ALKAL1: variants seen among roughly 807,000 people sequenced by gnomAD.
ALKAL1 encodes ALK and LTK ligand 1.
ALKAL1 carries 23 observed loss-of-function variants against 13.5 expected under a neutral mutation model. That is an observed-to-expected ratio of 1.70 (90% CI 1.23 to 2.41). The LOEUF (loss-of-function observed/expected upper bound fraction) is 2.41, where lower values mean the gene tolerates loss of function less well. Ranked by LOEUF, ALKAL1 falls within the 30% of genes most tolerant of loss-of-function variation. The probability of loss-of-function intolerance (pLI) is 0.00; values close to 1 mark genes in which losing one functional copy is unlikely to be tolerated. For synonymous variants in ALKAL1, 85 were observed against 77.7 expected (o/e 1.09, Z -0.49); for missense variants, 181 against 178.4 (o/e 1.01, Z -0.08).
At chr8:52,538,304 T>C in intron 4 of ALKAL1, 127 bp downstream of exon 4, 2 of 621,504 alleles carry the variant, frequency 3.2e-6, no homozygotes, top group Non-Finnish European at 5.7e-6. Context: ...CATACAAGTA[T>C]CAAAATGTAA....
chr8:52,551,462 CA>C (rs1166030149), intron 1 of ALKAL1, among the ~76,000 whole-genome samples: 1 of 146,638 alleles, frequency 6.8e-6, no homozygotes, highest in African/African-American at 2.5e-5. Context: ...CCGGCTAATT[CA>C]TTTTTTTTTT....
At chr8:52,552,364 C>G (rs922261434) in intron 1 of ALKAL1, among the ~76,000 whole-genome samples, 1 of 152,108 alleles carries the variant, frequency 6.6e-6, no homozygotes, top group African/African-American at 2.4e-5. Flanking sequence ...GGCTGAGTCC[C>G]TGTGTGTCAG....
intron 1 of ALKAL1, among the ~76,000 whole-genome samples, chr8:52,543,253 A>G (rs568127074): frequency 1.3e-5 from 2 of 152,358 alleles, no homozygotes; most frequent in East Asian, 3.9e-4. Context: ...GTTGGTAGGT[A>G]TACATTTAAA....
chr8:52,554,044 A>C (rs939905452), intron 1 of ALKAL1, among the ~76,000 whole-genome samples: 1 of 152,140 alleles, frequency 6.6e-6, no homozygotes, highest in Non-Finnish European at 1.5e-5. Context: ...ACCAACATGG[A>C]GAAACCCCGT....
chr8:52,555,326 T>A (rs1017101400), intron 1 of ALKAL1, among the ~76,000 whole-genome samples: 1 of 152,112 alleles, frequency 6.6e-6, no homozygotes, highest in South Asian at 2.1e-4. Flanking sequence ...GTATTAACCA[T>A]GCATTTTTAT....
intron 1 of ALKAL1, among the ~76,000 whole-genome samples, chr8:52,555,739 C>T (rs1313929932): frequency 6.6e-6 from 1 of 152,196 alleles, no homozygotes; most frequent in Non-Finnish European, 1.5e-5. Flanking sequence ...CGCCCACTCA[C>T]CCTGCCGTGC....
intron 1 of ALKAL1, among the ~76,000 whole-genome samples, chr8:52,554,884 C>T (rs998261517): frequency 3.9e-5 from 6 of 152,108 alleles, no homozygotes; most frequent in Admixed American, 2.6e-4. Flanking sequence ...AGATAAAGGC[C>T]GACAGGGCCG....
At chr8:52,557,592 T>G (rs1373785016) in intron 1 of ALKAL1, among the ~76,000 whole-genome samples, 1 of 152,198 alleles carries the variant, frequency 6.6e-6, no homozygotes, top group African/African-American at 2.4e-5. Context: ...TTGGCTCACA[T>G]AATTTGCCTT....
intron 1 of ALKAL1, among the ~76,000 whole-genome samples, chr8:52,546,360 C>G (rs952049053): frequency 1.3e-5 from 2 of 152,184 alleles, no homozygotes; most frequent in Admixed American, 6.5e-5. Context: ...TACTATGGCT[C>G]ACTGTAGAAA....
chr8:52,541,974 C>A (rs1049558980), intron 2 of ALKAL1, among the ~76,000 whole-genome samples: 1 of 152,010 alleles, frequency 6.6e-6, no homozygotes, highest in African/African-American at 2.4e-5. Context: ...CCAAATACGT[C>A]CCTACCTAAG....
At chr8:52,540,696 T>G (rs7840215) in intron 2 of ALKAL1, among the ~76,000 whole-genome samples, 3 of 152,008 alleles carry the variant, frequency 2.0e-5, no homozygotes, top group African/African-American at 7.3e-5. Flanking sequence ...GACTGCACCA[T>G]TGCACTCCAG....
intron 2 of ALKAL1, among the ~76,000 whole-genome samples, chr8:52,541,141 A>G (rs1847307955): frequency 6.6e-6 from 1 of 152,214 alleles, no homozygotes; most frequent in Non-Finnish European, 1.5e-5. Context: ...TGATATGAAG[A>G]ACCAAATAGT....
Position 52,538,604 on chromosome 8 carries a change from C to T in ALKAL1, c.326-97G>A. ...TCACTAATTCATATAACAATAACTA[C>T]AGTTTAATAAATACCTACTATGTTA... On this transcript the variant is annotated intron_variant, in intron 3 of 4. Coordinates refer to ENST00000358543, the MANE Select transcript of ALKAL1 (RefSeq NM_207413.4). 3.9e-6 allele frequency: 3 copies of T among 763,042 alleles called. No individual in the cohort carries two copies. The South Asian group carries it at 5.1e-5, about 13-fold the overall frequency. The allele number at this position is 763,042 out of a possible 1,614,324, so 47.3% of individuals were successfully genotyped here. A position where few individuals can be genotyped will look rare whatever the true frequency, so the allele number is the denominator to read the frequency against.
chr8:52,564,985 C>T, intron 1 of ALKAL1, 82 bp downstream of exon 1: 1 of 1,142,474 alleles, frequency 8.8e-7, no homozygotes, highest in Non-Finnish European at 1.1e-6. Context: ...CTTCCCAAAG[C>T]GAGTGCCTCG....
chr8:52,540,581 A>G (rs1847303334), intron 2 of ALKAL1, among the ~76,000 whole-genome samples: 1 of 152,138 alleles, frequency 6.6e-6, no homozygotes, highest in South Asian at 2.1e-4. Flanking sequence ...AAAATGAAAA[A>G]TGAGCCAGGC....
At chr8:52,538,625 T>A in intron 3 of ALKAL1, 118 bp from the exon 4 acceptor site, 1 of 649,426 alleles carries the variant, frequency 1.5e-6, no homozygotes, top group Non-Finnish European at 2.7e-6. Flanking sequence ...ATACCTACTA[T>A]GTTAAGTGCT....
In ALKAL1 at chr8:52,537,105, G is replaced by A. The variant is rs557773313; in HGVS notation, c.*12+1326C>T. Reference sequence around the variant, plus strand: ...ACCTGACAAGGGACTAATATCCAGAGTATACAAACAATTAAACAGCAAAAA... The same window carrying A: ...ACCTGACAAGGGACTAATATCCAGAATATACAAACAATTAAACAGCAAAAA... On this transcript the variant is annotated intron_variant, in intron 4 of 4. Transcript: ENST00000358543. Among the ~76,000 whole-genome samples the A allele has an allele frequency of 1.1e-3, 173 of 152,160 alleles. 1 individual carries two copies. The highest frequency in any genetic ancestry group is 4.1e-3 in the African/African-American group (169 of 41,528).
chr8:52,536,096 A>G (rs908725259), intron 4 of ALKAL1, among the ~76,000 whole-genome samples: 15 of 151,966 alleles, frequency 9.9e-5, no homozygotes, highest in Non-Finnish European at 4.4e-5. Context: ...GCACCACCAC[A>G]CCCAGCTAAT....
chr8:52,564,764 T>C (rs577919741), intron 1 of ALKAL1, among the ~76,000 whole-genome samples: 169 of 152,302 alleles, frequency 1.1e-3, no homozygotes, highest in Non-Finnish European at 2.1e-3. Flanking sequence ...CCTCGGTCGG[T>C]GGGACTGAAA....
Sources: allele counts gnomAD v4.1 joint callset (sites outside exome capture counted in the v4.1 genomes callset), GRCh38; gene constraint gnomAD v4.1.1; transcripts MANE v1.5; gene names NCBI Gene and HGNC (gene_info 2026-07-23, HGNC 2026-07-21).